Variants in GMDS observed in about 807,000 individuals in gnomAD.
GMDS encodes GDP-mannose 4,6 dehydratase.
GMDS carries 20 observed loss-of-function variants against 49.9 expected under a neutral mutation model. The observed-to-expected ratio is 0.40, with a 90% CI of 0.28 to 0.58. GMDS has a LOEUF of 0.58. GMDS is among the 20% of genes least tolerant of loss of function. The pLI is 0.42. For missense variants in GMDS, 362 were observed against 481.4 expected (o/e 0.75, Z 2.32); for synonymous variants, 177 against 178.6 (o/e 0.99, Z 0.07).
At chr6:2,076,491 C>G (rs1362661111) in intron 4 of GMDS, among the ~76,000 whole-genome samples, 1 of 152,176 alleles carries the variant, frequency 6.6e-6, no homozygotes, top group Admixed American at 6.5e-5. Context: ...GGAGGCATCA[C>G]GCTACCTGAC....
At chr6:1,730,568 G>A (rs1471489356) in intron 8 of GMDS, among the ~76,000 whole-genome samples, 1 of 152,112 alleles carries the variant, frequency 6.6e-6, no homozygotes, top group Non-Finnish European at 1.5e-5. Context: ...GAAGGCTACA[G>A]GCTCAGTGAA....
At chr6:1,904,549 C>T (rs952441910) in intron 7 of GMDS, among the ~76,000 whole-genome samples, 1 of 152,216 alleles carries the variant, frequency 6.6e-6, no homozygotes, top group Non-Finnish European at 1.5e-5. Context: ...ATTTAACGAA[C>T]GAATTTGTTT....
At chr6:1,984,114 A>C (rs1241303410) in intron 4 of GMDS, among the ~76,000 whole-genome samples, 2 of 152,152 alleles carry the variant, frequency 1.3e-5, no homozygotes, top group African/African-American at 4.8e-5. Flanking sequence ...AAACTAACAG[A>C]ACAGAACAGA....
At chr6:1,888,208 C>T (rs1180582820) in intron 7 of GMDS, among the ~76,000 whole-genome samples, 1 of 150,310 alleles carries the variant, frequency 6.7e-6, no homozygotes, top group Non-Finnish European at 1.5e-5. Context: ...TGGGCTCAAG[C>T]TATCCTCCCC....
At chr6:2,157,392 G>A (rs915416021) in intron 1 of GMDS, among the ~76,000 whole-genome samples, 2 of 152,116 alleles carry the variant, frequency 1.3e-5, no homozygotes, top group Non-Finnish European at 1.5e-5. Flanking sequence ...TAATTTCTGC[G>A]GTAGAATGCA....
chr6:1,950,615 A>C (rs1763292054), intron 6 of GMDS, among the ~76,000 whole-genome samples: 1 of 152,238 alleles, frequency 6.6e-6, no homozygotes, highest in Non-Finnish European at 1.5e-5. Flanking sequence ...TGTTTGCTAA[A>C]GTTCTATGAA....
chr6:1,991,859 T>G (rs924961126), intron 4 of GMDS, among the ~76,000 whole-genome samples: 2 of 152,218 alleles, frequency 1.3e-5, no homozygotes, highest in Admixed American at 6.5e-5. Context: ...CCACCGTGAC[T>G]GGTGTCCTTG....
chr6:2,075,285 T>C (rs1772265007), intron 4 of GMDS, among the ~76,000 whole-genome samples: 1 of 152,180 alleles, frequency 6.6e-6, no homozygotes, highest in Non-Finnish European at 1.5e-5. Context: ...ATTTTTTAAA[T>C]TATACTTTAA....
chr6:1,680,574 C>T (rs1764756521), intron 9 of GMDS, among the ~76,000 whole-genome samples: 1 of 152,158 alleles, frequency 6.6e-6, no homozygotes, highest in Non-Finnish European at 1.5e-5. Flanking sequence ...TCTGGCCTCC[C>T]TCCCTTGGGC....
intron 1 of GMDS, among the ~76,000 whole-genome samples, chr6:2,220,795 T>A (rs991644607): frequency 2.6e-5 from 4 of 152,030 alleles, no homozygotes; most frequent in African/African-American, 9.7e-5. Context: ...GAAACACTTG[T>A]GCTCCCAAGC....
intron 7 of GMDS, among the ~76,000 whole-genome samples, chr6:1,864,025 G>A (rs1341779841): frequency 1.3e-5 from 2 of 152,072 alleles, no homozygotes; most frequent in African/African-American, 4.8e-5. Flanking sequence ...AGAGGGGTGG[G>A]TCATAACGTT....
intron 4 of GMDS, among the ~76,000 whole-genome samples, chr6:1,976,009 A>T (rs574325422): frequency 1.3e-5 from 2 of 152,334 alleles, no homozygotes; most frequent in Admixed American, 6.5e-5. Context: ...AACTCAAGAA[A>T]AATGTTCCAG....
At chr6:2,097,285 T>C (rs575033755) in intron 4 of GMDS, among the ~76,000 whole-genome samples, 2 of 152,234 alleles carry the variant, frequency 1.3e-5, no homozygotes, top group East Asian at 3.9e-4. Flanking sequence ...TCTGTTGTTC[T>C]TGAGAGAGAG....
chr6:2,243,840 C>CTTTT (rs1781725608), intron 1 of GMDS, among the ~76,000 whole-genome samples: 2 of 127,128 alleles, frequency 1.6e-5, no homozygotes, highest in African/African-American at 6.9e-5. Flanking sequence ...TCAACTTCTC[C>CTTTT]TTCTTTTTTT....
intron 7 of GMDS, among the ~76,000 whole-genome samples, chr6:1,884,589 C>T (rs963888513): frequency 6.6e-6 from 1 of 152,204 alleles, no homozygotes; most frequent in East Asian, 1.9e-4. Flanking sequence ...TCAGAGCCTG[C>T]AGCCATTAAG....
intron 9 of GMDS, among the ~76,000 whole-genome samples, chr6:1,671,406 C>T (rs1764417312): frequency 6.6e-6 from 1 of 152,140 alleles, no homozygotes; most frequent in African/African-American, 2.4e-5. Flanking sequence ...GAATGCCTTG[C>T]TTTTGGGATC....
chr6:1,819,157 G>A (rs1421729281), intron 7 of GMDS, among the ~76,000 whole-genome samples: 1 of 151,374 alleles, frequency 6.6e-6, no homozygotes, highest in Non-Finnish European at 1.5e-5. Context: ...TTTTAACTTG[G>A]CAAGGTTGAA....
intron 4 of GMDS, among the ~76,000 whole-genome samples, chr6:1,978,759 G>A (rs1027870380): frequency 6.6e-6 from 1 of 152,136 alleles, no homozygotes; most frequent in Admixed American, 6.5e-5. Flanking sequence ...CAGCCAGATT[G>A]TTTTTTTAAG....
At chr6:1,948,221 G>T (rs1478955425) in intron 6 of GMDS, among the ~76,000 whole-genome samples, 1 of 152,078 alleles carries the variant, frequency 6.6e-6, no homozygotes, top group African/African-American at 2.4e-5. Flanking sequence ...ATATCCTTAC[G>T]TGAACCACTT....
Sources: gnomAD v4.1 joint callset for allele counts (sites outside exome capture counted in the v4.1 genomes callset) on GRCh38, gnomAD v4.1.1 for gene constraint, MANE v1.5 for transcripts, NCBI Gene and HGNC (gene_info 2026-07-23, HGNC 2026-07-21) for gene names.